Variants in ASTN2 observed in about 807,000 individuals in gnomAD.
ASTN2 encodes astrotactin 2.
Under a neutral mutation model 139.8 loss-of-function variants are expected in ASTN2, and 54 were observed. The observed-to-expected ratio is 0.39, with a 90% CI of 0.31 to 0.48. The LOEUF (loss-of-function observed/expected upper bound fraction) is 0.48, where lower values mean the gene tolerates loss of function less well. Ranked by LOEUF, ASTN2 falls within the 20% of genes least tolerant of loss-of-function variation. ASTN2 has a pLI of 0.95. For synonymous variants in ASTN2, 756 were observed against 719.5 expected (o/e 1.05, Z -0.81); for missense variants, 1,565 against 1,725.1 (o/e 0.91, Z 1.64).
chr9:116,748,002 T>C (rs1034351704), intron 13 of ASTN2, among the ~76,000 whole-genome samples: 10 of 152,110 alleles, frequency 6.6e-5, no homozygotes, highest in African/African-American at 2.4e-4. Context: ...TGTCCTGTCA[T>C]AACACTGAGA....
chr9:116,442,628 A>G, intron 20 of ASTN2, 75 bp from the exon 21 acceptor site: 1 of 1,172,696 alleles, frequency 8.5e-7, no homozygotes, highest in Non-Finnish European at 1.3e-6. Context: ...GGAAGAACAG[A>G]GAGTCATGGC....
At position 117,198,120 on chromosome 9, in the gene ASTN2, A is replaced by G. The variant is rs551673974; in HGVS notation, c.1015+16238T>C. ...GAATGTGCAGGTTTGTCACATAGGTATACATGTGCCTTGGTGGTTTGCTGT... is the reference window on the plus strand; with the variant it reads ...GAATGTGCAGGTTTGTCACATAGGTGTACATGTGCCTTGGTGGTTTGCTGT... On this transcript the variant is annotated intron_variant, in intron 3 of 22. Coordinates refer to ENST00000313400, the MANE Select transcript of ASTN2 (RefSeq NM_001365068.1). Among the ~76,000 whole-genome samples, 48 of 152,134 alleles carry G rather than the reference A, an allele frequency of 3.2e-4. 2 individuals are homozygous for G. The South Asian group carries it at 9.8e-3, about 31-fold the overall frequency.
intron 1 of ASTN2, among the ~76,000 whole-genome samples, chr9:117,300,698 A>C (rs1834854637): frequency 6.6e-6 from 1 of 152,198 alleles, no homozygotes; most frequent in Non-Finnish European, 1.5e-5. Flanking sequence ...GGATAATGCC[A>C]ATGGTATGCT....
Position 117,353,945 on chromosome 9 carries a change from G to A in ASTN2, c.442+60552C>T, listed in dbSNP as rs186235266. ...GAGCACAGAGGATTTTTAGGGCAGC[G>A]GAACCATTCTGTATGAATAACAGTG... On this transcript the variant is annotated intron_variant, in intron 1 of 22. Transcript: ENST00000313400. 8.5e-5 allele frequency among the ~76,000 whole-genome samples: 13 copies of A among 152,226 alleles called. 1 individual carries two copies. The highest frequency in any genetic ancestry group is 3.4e-3 in the Middle Eastern group (1 of 294).
chr9:117,117,959 G>GA (rs1829440989), intron 4 of ASTN2, among the ~76,000 whole-genome samples: 1 of 151,988 alleles, frequency 6.6e-6, no homozygotes, highest in African/African-American at 2.4e-5. Flanking sequence ...AACCCCTTTT[G>GA]AAAATCACCG....
At chr9:116,489,264 T>C (rs1326999289) in intron 19 of ASTN2, among the ~76,000 whole-genome samples, 3 of 152,216 alleles carry the variant, frequency 2.0e-5, no homozygotes, top group Admixed American at 1.3e-4. Flanking sequence ...GAGCAGAATA[T>C]ACAGATCACT....
At chr9:116,463,329 C>T (rs950479097) in intron 20 of ASTN2, among the ~76,000 whole-genome samples, 1 of 152,146 alleles carries the variant, frequency 6.6e-6, no homozygotes, top group East Asian at 1.9e-4. Context: ...CAAAGCTCTT[C>T]GATCTCTCCC....
intron 16 of ASTN2, among the ~76,000 whole-genome samples, chr9:116,695,567 G>A (rs1860804085): frequency 6.6e-6 from 1 of 152,206 alleles, no homozygotes; most frequent in Non-Finnish European, 1.5e-5. Context: ...TGAGCTAAAT[G>A]CATTGTCCTT....
chr9:116,568,878 G>T, intron 19 of ASTN2: 1 of 152,302 alleles, frequency 6.6e-6, no homozygotes. Context: ...AAGAAGCTTA[G>T]GACAGGGAGA....
At chr9:116,524,127 G>A (rs1850992689) in intron 19 of ASTN2, among the ~76,000 whole-genome samples, 1 of 152,148 alleles carries the variant, frequency 6.6e-6, no homozygotes, top group Non-Finnish European at 1.5e-5. Flanking sequence ...TTCTAACATG[G>A]ATGGGATTCC....
intron 14 of ASTN2, among the ~76,000 whole-genome samples, chr9:116,731,489 C>A (rs1280303691): frequency 2.6e-5 from 4 of 152,094 alleles, no homozygotes; most frequent in Non-Finnish European, 4.4e-5. Flanking sequence ...GTGGCAAGAT[C>A]TCGGCTCACT....
At chr9:116,862,554 G>A (rs555736378) in intron 11 of ASTN2, among the ~76,000 whole-genome samples, 17 of 152,214 alleles carry the variant, frequency 1.1e-4, no homozygotes, top group African/African-American at 3.1e-4. Flanking sequence ...CATAGACTTC[G>A]AAAGCAATTC....
intron 19 of ASTN2, among the ~76,000 whole-genome samples, chr9:116,592,696 T>C (rs1854424158): frequency 6.6e-6 from 1 of 152,176 alleles, no homozygotes; most frequent in East Asian, 1.9e-4. Flanking sequence ...GCATTTAATA[T>C]CCCTAAAGGC....
chr9:117,005,063 T>C (rs1057468583), intron 7 of ASTN2, among the ~76,000 whole-genome samples: 3 of 149,788 alleles, frequency 2.0e-5, no homozygotes, highest in African/African-American at 7.4e-5. Flanking sequence ...TGAATTTGAG[T>C]TGTGGACCTG....
intron 19 of ASTN2, among the ~76,000 whole-genome samples, chr9:116,548,058 C>T (rs983436608): frequency 7.2e-5 from 11 of 152,036 alleles, no homozygotes; most frequent in African/African-American, 2.7e-4. Context: ...AGGTGCTCTC[C>T]TCTTAGCTCC....
At chr9:116,566,127 A>G (rs1853220472) in intron 19 of ASTN2, among the ~76,000 whole-genome samples, 1 of 152,174 alleles carries the variant, frequency 6.6e-6, no homozygotes, top group Non-Finnish European at 1.5e-5. Flanking sequence ...AAAACAATAA[A>G]TGCATCTAAT....
Position 116,444,401 on chromosome 9 carries a change from G to C in ASTN2, c.3498-1848C>G, listed in dbSNP as rs141014925. 3.3e-5 allele frequency among the ~76,000 whole-genome samples: 5 copies of C among 152,274 alleles called. No homozygotes were observed. In the East Asian group the frequency reaches 9.7e-4, roughly 29 times the overall value. ...CCCTCATTATCTATACCTTTCAGAA[G>C]ATAAAACTGAAGATTTAAAAAATTA... On this transcript the variant is annotated intron_variant, in intron 20 of 22. Coordinates refer to ENST00000313400, the MANE Select transcript of ASTN2 (RefSeq NM_001365068.1).
chr9:116,808,218 T>C (rs900942036), intron 12 of ASTN2, among the ~76,000 whole-genome samples: 3 of 152,140 alleles, frequency 2.0e-5, no homozygotes, highest in Admixed American at 6.6e-5. Flanking sequence ...GTCCCAGAGG[T>C]CACCATTGTT....
chr9:116,848,532 A>G (rs7037711), intron 11 of ASTN2, among the ~76,000 whole-genome samples: 1 of 152,220 alleles, frequency 6.6e-6, no homozygotes, highest in Non-Finnish European at 1.5e-5. Context: ...GAAGAGGTGT[A>G]TTAACTTGAT....
Sources: gnomAD v4.1 joint callset for allele counts (sites outside exome capture counted in the v4.1 genomes callset) on GRCh38, gnomAD v4.1.1 for gene constraint, MANE v1.5 for transcripts, NCBI Gene and HGNC (gene_info 2026-07-23, HGNC 2026-07-21) for gene names.